The following STXBP5L variants were observed in gnomAD, a reference collection of about 807,000 sequenced individuals.
STXBP5L encodes the protein syntaxin-binding protein 5-like.
A neutral mutation model predicts 144.5 loss-of-function variants in STXBP5L; 65 were observed. That is an observed-to-expected ratio of 0.45 (90% CI 0.37 to 0.55). STXBP5L has a LOEUF of 0.55. Among genes scored for constraint, STXBP5L ranks in the 20% least tolerant of loss-of-function variants. STXBP5L has a pLI of 0.00. For missense variants in STXBP5L, 1,298 were observed against 1,405.5 expected (o/e 0.92, Z 1.22); for synonymous variants, 505 against 469.6 (o/e 1.08, Z -0.97).
At chr3:120,951,402 T>C (rs1299813596) in intron 2 of STXBP5L, among the ~76,000 whole-genome samples, 3 of 151,858 alleles carry the variant, frequency 2.0e-5, no homozygotes, top group East Asian at 1.9e-4. Flanking sequence ...CGCAACCTAC[T>C]CATCTGACAA....
chr3:121,309,838 T>G (rs2043465581), intron 19 of STXBP5L, among the ~76,000 whole-genome samples: 2 of 152,212 alleles, frequency 1.3e-5, no homozygotes, highest in African/African-American at 4.8e-5. Context: ...TTCTAAAATT[T>G]ATGCAGAAAT....
At chr3:120,994,423 T>C (rs1391100887) in intron 3 of STXBP5L, among the ~76,000 whole-genome samples, 3 of 152,086 alleles carry the variant, frequency 2.0e-5, no homozygotes, top group Non-Finnish European at 4.4e-5. Flanking sequence ...TAGCTGTGGG[T>C]TTATCATATA....
rs1258752067 is a variant in STXBP5L at position 120,984,204 on chromosome 3, G to A, written c.287+29167G>A. On this transcript the variant is annotated intron_variant, in intron 3 of 26. Transcript: ENST00000471454. ...TTTCAGCTCAGAAATCACAGGTCTAGAGTCTCTGTGAGTGACATTATGCCA... is the reference window on the plus strand; with the variant it reads ...TTTCAGCTCAGAAATCACAGGTCTAAAGTCTCTGTGAGTGACATTATGCCA... Among the ~76,000 whole-genome samples, 3 of 152,290 alleles carry A rather than the reference G, an allele frequency of 2.0e-5. No individual in the cohort carries two copies. The East Asian group carries it at 5.8e-4, about 29-fold the overall frequency.
intron 9 of STXBP5L, among the ~76,000 whole-genome samples, chr3:121,172,860 A>G (rs1184998942): frequency 1.3e-5 from 2 of 152,164 alleles, no homozygotes; most frequent in Non-Finnish European, 2.9e-5. Context: ...AAATCATTCT[A>G]CTATAAAGAC....
rs1323713373 is a variant in STXBP5L at position 121,017,892 on chromosome 3, A to G, written c.288-23808A>G. ...AGGAGTTCAAGTCTGGCCCGGGGCA[A>G]TGTTGTGAGACCCCAGTTTCTAAAC... is the stretch of plus-strand genomic sequence containing the variant. On this transcript the variant is annotated intron_variant, in intron 3 of 26. Transcript: ENST00000471454. 2.0e-5 allele frequency among the ~76,000 whole-genome samples: 3 copies of G among 152,160 alleles called. No individual in the cohort carries two copies. The East Asian group carries it at 5.8e-4, about 29-fold the overall frequency.
chr3:121,096,408 A>C (rs2043131596), intron 5 of STXBP5L, among the ~76,000 whole-genome samples: 1 of 152,156 alleles, frequency 6.6e-6, no homozygotes, highest in Non-Finnish European at 1.5e-5. Context: ...CTGGCGAGAC[A>C]CTGTGATTCT....
intron 19 of STXBP5L, among the ~76,000 whole-genome samples, chr3:121,296,505 T>C (rs765979728): frequency 7.9e-5 from 12 of 152,172 alleles, no homozygotes; most frequent in Non-Finnish European, 7.4e-5. Flanking sequence ...CAAAATCCTA[T>C]AGTAATGACA....
At position 120,997,311 on chromosome 3, in the gene STXBP5L, G is replaced by A. The variant is rs72966790; in HGVS notation, c.287+42274G>A. ...TATTGTCTTGGGTATATACCCACTA[G>A]TGGGATTGTTTAGTTGAATGATAGT... On this transcript the variant is annotated intron_variant, in intron 3 of 26. Coordinates refer to ENST00000471454, the MANE Select transcript of STXBP5L (RefSeq NM_001308330.2). 2.5e-3 allele frequency among the ~76,000 whole-genome samples: 377 copies of A among 152,266 alleles called. 2 individuals are homozygous for A. Among genetic ancestry groups the A allele is most frequent in the African/African-American group, 8.5e-3 (354 of 41,572 alleles).
At chr3:121,300,856 G>A (rs920468965) in intron 19 of STXBP5L, among the ~76,000 whole-genome samples, 1 of 151,912 alleles carries the variant, frequency 6.6e-6, no homozygotes, top group African/African-American at 2.4e-5. Flanking sequence ...TTCTGAGACA[G>A]GATTAAAAAG....
chr3:121,074,503 A>C (rs1472707447), intron 5 of STXBP5L, among the ~76,000 whole-genome samples: 1 of 152,182 alleles, frequency 6.6e-6, no homozygotes, highest in Non-Finnish European at 1.5e-5. Flanking sequence ...GGGATGGGAT[A>C]CTGACGGATT....
At chr3:121,323,960 T>C (rs555135887) in intron 20 of STXBP5L, among the ~76,000 whole-genome samples, 9 of 152,186 alleles carry the variant, frequency 5.9e-5, no homozygotes, top group Non-Finnish European at 1.3e-4. Flanking sequence ...GTTTTTCTAA[T>C]GTCCTATTGA....
At position 120,978,236 on chromosome 3, in the gene STXBP5L, G is replaced by T. The variant is rs569282401; in HGVS notation, c.287+23199G>T. ...TAGTCCCATATTTCTTGGAGGCTTT[G>T]TTCGTTTCTTTTTATTCTTTTTTCT... On this transcript the variant is annotated intron_variant, in intron 3 of 26. Transcript: ENST00000471454. 4.6e-5 allele frequency among the ~76,000 whole-genome samples: 7 copies of T among 152,304 alleles called. No homozygotes were observed. The East Asian group carries it at 7.7e-4, about 17-fold the overall frequency.
At chr3:121,313,331 G>A (rs2043623122) in intron 19 of STXBP5L, among the ~76,000 whole-genome samples, 1 of 139,048 alleles carries the variant, frequency 7.2e-6, no homozygotes, top group East Asian at 2.2e-4. Flanking sequence ...GGGGCGGCTG[G>A]CCGGGCGGGG....
chr3:121,319,891 A>G (rs1287354255), intron 20 of STXBP5L, among the ~76,000 whole-genome samples: 2 of 151,936 alleles, frequency 1.3e-5, no homozygotes, highest in African/African-American at 4.8e-5. Context: ...CCAAGGGGGG[A>G]GGATCACTTG....
At chr3:121,166,308 A>G (rs2046496217) in intron 9 of STXBP5L, among the ~76,000 whole-genome samples, 1 of 152,108 alleles carries the variant, frequency 6.6e-6, no homozygotes, top group Non-Finnish European at 1.5e-5. Flanking sequence ...CCTGGCTTTC[A>G]TATATTTCAA....
chr3:121,217,718 T>C (rs913158604), intron 10 of STXBP5L, among the ~76,000 whole-genome samples: 16 of 152,128 alleles, frequency 1.1e-4, no homozygotes, highest in Non-Finnish European at 2.1e-4. Context: ...GGATTTCTTA[T>C]AATCTTTATT....
intron 4 of STXBP5L, 124 bp from the exon 5 acceptor site, chr3:121,045,311 A>G (rs1947437859): frequency 2.4e-6 from 2 of 837,094 alleles, no homozygotes; most frequent in Non-Finnish European, 3.6e-6. Flanking sequence ...ATCCTTCCTT[A>G]TATTTCTGAG....
At chr3:121,036,283 A>C (rs186686184) in intron 3 of STXBP5L, among the ~76,000 whole-genome samples, 1 of 152,104 alleles carries the variant, frequency 6.6e-6, no homozygotes, top group African/African-American at 2.4e-5. Context: ...CAGTGAGCTG[A>C]TATTGAGCCA....
At chr3:121,093,085 C>T (rs1410443822) in intron 5 of STXBP5L, among the ~76,000 whole-genome samples, 4 of 152,168 alleles carry the variant, frequency 2.6e-5, no homozygotes, top group African/African-American at 9.7e-5. Flanking sequence ...TATTGATTTG[C>T]ATATATCGAA....
Sources: allele counts gnomAD v4.1 joint callset (sites outside exome capture counted in the v4.1 genomes callset), GRCh38; gene constraint gnomAD v4.1.1; transcripts MANE v1.5; gene names NCBI Gene and HGNC (gene_info 2026-07-23, HGNC 2026-07-21).